Variants in PCNP observed in about 807,000 individuals in gnomAD.
The protein encoded by PCNP is PEST proteolytic signal-containing nuclear protein.
Under a neutral mutation model 21.8 loss-of-function variants are expected in PCNP, and 6 were observed. That is an observed-to-expected ratio of 0.28 (90% CI 0.15 to 0.54). The LOEUF is 0.54. Among genes scored for constraint, PCNP ranks in the 20% least tolerant of loss-of-function variants. The pLI, the probability that PCNP is intolerant of heterozygous loss-of-function variation, is 0.95. For missense variants in PCNP, 161 were observed against 215.5 expected, an observed-to-expected ratio of 0.75 and a Z score of 1.58; for synonymous variants, 67 against 73.2, an observed-to-expected ratio of 0.92 and a Z score of 0.43.
At chr3:101,581,525 C>T (rs571673605) in intron 2 of PCNP, among the ~76,000 whole-genome samples, 70 of 151,876 alleles carry the variant, frequency 4.6e-4, no homozygotes, top group African/African-American at 1.5e-3. Flanking sequence ...CCTCTGCCTC[C>T]TGGGTTCAGG....
rs1200088195 is a variant in PCNP, at chr3:101,574,239, C to G, written c.24C>G (p.Asp8Glu). The G allele has an allele frequency of 6.5e-7, 1 of 1,549,350 alleles. No individual in the cohort carries two copies. The highest frequency in any genetic ancestry group is 8.7e-7 in the Non-Finnish European group (1 of 1,145,770). MADGKAG[D>E]EKPEKSQRAG... ...AAATGGCGGACGGGAAGGCGGGAGA[C>G]GAGAAGCCTGAAAAGTCGCAGCGAG... is the stretch of plus-strand genomic sequence containing the variant. Residue 8 changes from aspartate to glutamate, a missense_variant, in exon 1 of 5, where the codon GAC becomes GAG. Transcript: ENST00000265260.
Position 101,593,105 on chromosome 3 carries a change from G to A in PCNP, c.*352G>A, listed in dbSNP as rs926104419. 1 of 160,420 alleles carries A rather than the reference G, an allele frequency of 6.2e-6. No homozygotes were observed. The highest frequency in any genetic ancestry group is 6.4e-5 in the Admixed American group (1 of 15,562). The allele number at this position is 160,420 out of a possible 1,614,324, so 9.9% of individuals were successfully genotyped here. ...AGTTACTGTCTATTTAAAACTGCAA[G>A]CAGTTAACTCTCTTAACTCCCTTAT... is the stretch of plus-strand genomic sequence containing the variant. On this transcript the variant is annotated 3_prime_UTR_variant, in exon 5 of 5. Coordinates refer to ENST00000265260, the MANE Select transcript of PCNP (RefSeq NM_020357.3).
chr3:101,576,413 T>G (rs1231997815), intron 1 of PCNP: 1 of 1,208,324 alleles, frequency 8.3e-7, no homozygotes, highest in Non-Finnish European at 1.1e-6. Flanking sequence ...TTTTGTATTT[T>G]TATTTTTTAT....
At chr3:101,583,696 G>A (rs915082818) in intron 2 of PCNP, among the ~76,000 whole-genome samples, 1 of 149,118 alleles carries the variant, frequency 6.7e-6, no homozygotes, top group African/African-American at 2.4e-5. Context: ...CACCCAGGCT[G>A]GAGTACAAAG....
intron 2 of PCNP, among the ~76,000 whole-genome samples, chr3:101,581,257 A>G (rs927242708): frequency 1.3e-5 from 2 of 152,256 alleles, no homozygotes; most frequent in African/African-American, 4.8e-5. Context: ...TAAAACTTGT[A>G]TAGACCTAAC....
intron 2 of PCNP, among the ~76,000 whole-genome samples, chr3:101,582,100 T>G (rs1196708015): frequency 6.6e-6 from 1 of 151,892 alleles, no homozygotes; most frequent in Non-Finnish European, 1.5e-5. Flanking sequence ...GGGAGGGTTA[T>G]ATTTTGAAAA....
intron 2 of PCNP, among the ~76,000 whole-genome samples, chr3:101,582,453 AATAG>A (rs1203360541): frequency 2.0e-5 from 3 of 152,230 alleles, no homozygotes; most frequent in African/African-American, 7.2e-5. Context: ...CCGTCTCAAA[AATAG>A]ATAAACTACA....
chr3:101,590,762 T>C (rs1935760454), intron 4 of PCNP, among the ~76,000 whole-genome samples: 1 of 152,172 alleles, frequency 6.6e-6, no homozygotes, highest in Non-Finnish European at 1.5e-5. Context: ...TTGCCCAGGC[T>C]GGTCTGTAAC....
chr3:101,586,754 T>G (rs988900475), intron 3 of PCNP, among the ~76,000 whole-genome samples: 1 of 151,908 alleles, frequency 6.6e-6, no homozygotes, highest in Non-Finnish European at 1.5e-5. Context: ...TGCCCCACCA[T>G]GTTGCCCAGG....
chr3:101,579,702 C>A, intron 1 of PCNP, 88 bp from the exon 2 acceptor site: 1 of 895,792 alleles, frequency 1.1e-6, no homozygotes, highest in East Asian at 2.4e-5. Context: ...AGGTATCTTC[C>A]TTATAACGAT....
chr3:101,582,743 G>A (rs1405773621), intron 2 of PCNP, among the ~76,000 whole-genome samples: 1 of 152,234 alleles, frequency 6.6e-6, no homozygotes, highest in Non-Finnish European at 1.5e-5. Flanking sequence ...GTAGATCAGA[G>A]AAGAGTTTAC....
chr3:101,574,128 C>T, upstream of PCNP: 27 of 1,504,192 alleles, frequency 1.8e-5, no homozygotes, highest in Non-Finnish European at 2.4e-5. Context: ...AGGCTGCCAC[C>T]ACGCCGGCTG....
chr3:101,582,325 C>T (rs1384387472), intron 2 of PCNP, among the ~76,000 whole-genome samples: 1 of 151,974 alleles, frequency 6.6e-6, no homozygotes. Context: ...TGGTGGCGGG[C>T]GCCTGTAGTC....
chr3:101,586,571 T>TGTGTGTGTGTGTGTGTGAGAGAGAGA lies in PCNP; in HGVS notation c.354+1061_354+1062insTGTGTGTGTGTGTGTGAGAGAGAGAG. On this transcript the variant is annotated intron_variant, in intron 3 of 4. Transcript: ENST00000265260. ...GTGTGTGTGTGTGTGTGTGTGTGTG[T>TGTGTGTGTGTGTGTGTGAGAGAGAGA]GAGAGAGAGAGAGAGAGAGTTTCTT... Among the ~76,000 whole-genome samples, 954 of 114,106 alleles carry TGTGTGTGTGTGTGTGTGAGAGAGAGA rather than the reference T, an allele frequency of 8.4e-3. 15 individuals are homozygous for TGTGTGTGTGTGTGTGTGAGAGAGAGA. Among genetic ancestry groups the TGTGTGTGTGTGTGTGTGAGAGAGAGA allele is most frequent in the African/African-American group, 0.028 (912 of 32,862 alleles). The allele number at this position is 114,106 out of a possible 152,430, so 74.9% of individuals were successfully genotyped here.
chr3:101,576,531 A>C (rs939723864), intron 1 of PCNP: 5 of 1,610,686 alleles, frequency 3.1e-6, no homozygotes, highest in Non-Finnish European at 4.2e-6. Context: ...CACGGCGGCC[A>C]GTGGTCTTGG....
chr3:101,576,431 A>T (rs879214363), intron 1 of PCNP: 1 of 1,262,422 alleles, frequency 7.9e-7, no homozygotes, highest in Non-Finnish European at 1.1e-6. Flanking sequence ...TATTTTTTTT[A>T]TTTTTTATTT....
At chr3:101,583,127 C>A (rs746089465) in intron 2 of PCNP, among the ~76,000 whole-genome samples, 1 of 151,744 alleles carries the variant, frequency 6.6e-6, no homozygotes, top group Non-Finnish European at 1.5e-5. Context: ...TAGTTTGAGA[C>A]CAGCCTGGGC....
intron 3 of PCNP, chr3:101,589,931 A>G: frequency 2.8e-6 from 1 of 360,154 alleles, no homozygotes; most frequent in Non-Finnish European, 5.0e-6. Flanking sequence ...GATAGGACAT[A>G]CACAAACAAC....
intron 4 of PCNP, among the ~76,000 whole-genome samples, chr3:101,591,641 A>G (rs184807375): frequency 1.3e-5 from 2 of 152,170 alleles, no homozygotes; most frequent in East Asian, 1.9e-4. Context: ...TGTGTAATGT[A>G]TCTTCATGTT....
Sources: allele counts gnomAD v4.1 joint callset (sites outside exome capture counted in the v4.1 genomes callset), GRCh38; gene constraint gnomAD v4.1.1; transcripts MANE v1.5; gene names NCBI Gene and HGNC (gene_info 2026-07-23, HGNC 2026-07-21).